The following MAGI2 variants were observed in gnomAD, a reference collection of about 807,000 sequenced individuals.
MAGI2 encodes the protein membrane associated guanylate kinase, WW and PDZ domain containing 2, also known as membrane-associated guanylate kinase, WW and PDZ domain-containing protein 2.
MAGI2 carries 35 observed loss-of-function variants against 133.3 expected under a neutral mutation model. The observed-to-expected ratio is 0.26, with a 90% CI of 0.20 to 0.35. MAGI2 has a LOEUF of 0.35. Ranked by LOEUF, MAGI2 falls within the 10% of genes least tolerant of loss-of-function variation. The pLI, the probability that MAGI2 is intolerant of heterozygous loss-of-function variation, is 1.00. For missense variants in MAGI2, 1,636 were observed against 1,863.4 expected (o/e 0.88, Z 2.25); for synonymous variants, 729 against 710.6 (o/e 1.03, Z -0.41).
chr7:79,286,836 C>T (rs970160078), intron 1 of MAGI2, among the ~76,000 whole-genome samples: 1 of 152,066 alleles, frequency 6.6e-6, no homozygotes, highest in Non-Finnish European at 1.5e-5. Flanking sequence ...CCCTGCAGGT[C>T]ACTGATTCCT....
At chr7:79,194,385 G>T (rs897857541) in intron 1 of MAGI2, among the ~76,000 whole-genome samples, 1 of 151,836 alleles carries the variant, frequency 6.6e-6, no homozygotes, top group Non-Finnish European at 1.5e-5. Context: ...TTCATTTAGT[G>T]ATTATTCTCA....
At chr7:78,633,598 C>T (rs773285009) in intron 2 of MAGI2, among the ~76,000 whole-genome samples, 24 of 151,396 alleles carry the variant, frequency 1.6e-4, no homozygotes, top group Non-Finnish European at 2.9e-4. Context: ...CCCAGCTACT[C>T]CGGAGGCTGA....
At chr7:78,397,941 G>A (rs945238563) in intron 6 of MAGI2, among the ~76,000 whole-genome samples, 4 of 151,944 alleles carry the variant, frequency 2.6e-5, no homozygotes, top group Non-Finnish European at 5.9e-5. Context: ...ATTGACCTCT[G>A]GTAACACTAT....
chr7:78,261,764 G>A (rs929088418), intron 9 of MAGI2, among the ~76,000 whole-genome samples: 1 of 152,050 alleles, frequency 6.6e-6, no homozygotes, highest in Non-Finnish European at 1.5e-5. Context: ...TTTCCTCTCG[G>A]TTAATAAGAT....
intron 2 of MAGI2, among the ~76,000 whole-genome samples, chr7:78,728,227 G>A (rs1013583218): frequency 7.4e-5 from 11 of 149,430 alleles, no homozygotes; most frequent in African/African-American, 1.7e-4. Context: ...TAAATACAAA[G>A]TAAATCGTAG....
intron 2 of MAGI2, among the ~76,000 whole-genome samples, chr7:78,789,994 G>T (rs1157179930): frequency 6.6e-6 from 1 of 152,058 alleles, no homozygotes; most frequent in Non-Finnish European, 1.5e-5. Flanking sequence ...AAGCATATAA[G>T]TTCTGTTTAC....
At chr7:79,240,771 C>G (rs911429216) in intron 1 of MAGI2, among the ~76,000 whole-genome samples, 1 of 151,846 alleles carries the variant, frequency 6.6e-6, no homozygotes, top group East Asian at 1.9e-4. Context: ...GCATTTTCTT[C>G]GACATTTCCC....
chr7:78,349,530 T>A (rs963077455), intron 7 of MAGI2, among the ~76,000 whole-genome samples: 1 of 152,212 alleles, frequency 6.6e-6, no homozygotes, highest in Non-Finnish European at 1.5e-5. Flanking sequence ...GAAAAGTTAA[T>A]GTGCAGCCAC....
chr7:78,376,276 G>A (rs1054904606), intron 6 of MAGI2, among the ~76,000 whole-genome samples: 35 of 152,070 alleles, frequency 2.3e-4, no homozygotes, highest in African/African-American at 8.2e-4. Context: ...AGAAAATGTT[G>A]CTCCTTTATG....
chr7:78,880,957 A>G (rs1467684178), intron 2 of MAGI2, among the ~76,000 whole-genome samples: 1 of 152,200 alleles, frequency 6.6e-6, no homozygotes, highest in Non-Finnish European at 1.5e-5. Context: ...AACCAATGAC[A>G]GCACAAAAGG....
chr7:78,390,635 G>C (rs777885887), intron 6 of MAGI2, among the ~76,000 whole-genome samples: 4 of 150,994 alleles, frequency 2.6e-5, no homozygotes, highest in Admixed American at 6.6e-5. Flanking sequence ...ATTCTTACTG[G>C]TGGGGGTGGG....
intron 1 of MAGI2, among the ~76,000 whole-genome samples, chr7:79,448,045 G>T (rs946437839): frequency 6.6e-6 from 1 of 151,788 alleles, no homozygotes. Flanking sequence ...TTTCTATGTT[G>T]TCAAGTTTAG....
intron 1 of MAGI2, among the ~76,000 whole-genome samples, chr7:79,243,372 C>T (rs1483284957): frequency 6.6e-6 from 1 of 152,134 alleles, no homozygotes; most frequent in East Asian, 1.9e-4. Context: ...CTAATCTAAA[C>T]TAGCTGCCTC....
chr7:78,491,256 C>A (rs1793575350), intron 5 of MAGI2, among the ~76,000 whole-genome samples: 1 of 151,998 alleles, frequency 6.6e-6, no homozygotes, highest in Admixed American at 6.6e-5. Flanking sequence ...AGGATGGAGT[C>A]AAGATGAGTA....
At chr7:78,710,581 A>C (rs1819086422) in intron 2 of MAGI2, among the ~76,000 whole-genome samples, 1 of 152,148 alleles carries the variant, frequency 6.6e-6, no homozygotes, top group Non-Finnish European at 1.5e-5. Flanking sequence ...GGCTATTGCA[A>C]GGGTGGGTAC....
At chr7:78,699,876 C>A (rs1397950593) in intron 2 of MAGI2, among the ~76,000 whole-genome samples, 1 of 151,888 alleles carries the variant, frequency 6.6e-6, no homozygotes, top group African/African-American at 2.4e-5. Flanking sequence ...ACTTTTATAT[C>A]AAAATAAAAT....
At chr7:78,679,598 C>A (rs1335998439) in intron 2 of MAGI2, among the ~76,000 whole-genome samples, 3 of 152,122 alleles carry the variant, frequency 2.0e-5, no homozygotes, top group Non-Finnish European at 2.9e-5. Context: ...CTTTCAAAGA[C>A]AGAAAGTGTT....
chr7:78,753,931 C>T (rs1406721236), intron 2 of MAGI2, among the ~76,000 whole-genome samples: 1 of 151,964 alleles, frequency 6.6e-6, no homozygotes, highest in Non-Finnish European at 1.5e-5. Context: ...TAAAAGTATC[C>T]TTCAAGACTG....
At chr7:79,253,719 T>C (rs945998697) in intron 1 of MAGI2, among the ~76,000 whole-genome samples, 2 of 152,140 alleles carry the variant, frequency 1.3e-5, no homozygotes, top group Admixed American at 6.5e-5. Flanking sequence ...TTGATAGAAG[T>C]ATAAAATGAT....
Sources: allele counts gnomAD v4.1 joint callset (sites outside exome capture counted in the v4.1 genomes callset), GRCh38; gene constraint gnomAD v4.1.1; transcripts MANE v1.5; gene names NCBI Gene and HGNC (gene_info 2026-07-23, HGNC 2026-07-21).